Variants in PACRG observed in about 807,000 individuals in gnomAD.
PACRG encodes the protein parkin coregulated, also known as parkin coregulated gene protein.
A neutral mutation model predicts 29.7 loss-of-function variants in PACRG; 29 were observed. The ratio of observed to expected loss-of-function variants is 0.98; its 90% CI spans 0.73 to 1.33. PACRG has a LOEUF of 1.33. Ranked by LOEUF, PACRG falls within the 40% of genes most tolerant of loss-of-function variation. The probability of loss-of-function intolerance (pLI) is 0.00; values close to 1 mark genes in which losing one functional copy is unlikely to be tolerated. For missense variants in PACRG, 279 were observed against 316.2 expected, an observed-to-expected ratio of 0.88 and a Z score of 0.89; for synonymous variants, 116 against 118.7, an observed-to-expected ratio of 0.98 and a Z score of 0.15.
At chr6:163,263,563 G>A (rs1411342873) in intron 4 of PACRG, among the ~76,000 whole-genome samples, 1 of 152,126 alleles carries the variant, frequency 6.6e-6, no homozygotes, top group Non-Finnish European at 1.5e-5. Context: ...CTCCTCTGCA[G>A]GCAAAAACTG....
intron 4 of PACRG, among the ~76,000 whole-genome samples, chr6:163,196,011 C>G (rs1780437315): frequency 6.6e-6 from 1 of 152,292 alleles, no homozygotes; most frequent in Non-Finnish European, 1.5e-5. Flanking sequence ...AGACCCCCTA[C>G]GAGCTGGTTC....
At chr6:162,994,646 A>AT (rs956554522) in intron 2 of PACRG, among the ~76,000 whole-genome samples, 1 of 143,212 alleles carries the variant, frequency 7.0e-6, no homozygotes, top group Non-Finnish European at 1.5e-5. Context: ...ATTCTTCTAA[A>AT]TTTTTTTCAA....
chr6:163,126,908 G>T (rs1228022103), intron 4 of PACRG, among the ~76,000 whole-genome samples: 5 of 152,168 alleles, frequency 3.3e-5, no homozygotes, highest in African/African-American at 1.2e-4. Context: ...AGCACTGCTG[G>T]CCAGGTCAGA....
chr6:162,767,901 T>C (rs1218735193), intron 1 of PACRG, among the ~76,000 whole-genome samples: 1 of 152,000 alleles, frequency 6.6e-6, no homozygotes, highest in Non-Finnish European at 1.5e-5. Context: ...TTTCAAACAG[T>C]GTAGGAAATG....
intron 3 of PACRG, among the ~76,000 whole-genome samples, chr6:163,076,932 A>T (rs1812602875): frequency 6.6e-6 from 1 of 152,184 alleles, no homozygotes; most frequent in Non-Finnish European, 1.5e-5. Flanking sequence ...AAAGTAATAC[A>T]TCCCCACAGC....
At chr6:163,285,666 G>A (rs930837892) in intron 4 of PACRG, among the ~76,000 whole-genome samples, 7 of 152,214 alleles carry the variant, frequency 4.6e-5, no homozygotes, top group African/African-American at 9.7e-5. Flanking sequence ...AGAATGCACC[G>A]TCCGTGATGG....
intron 2 of PACRG, among the ~76,000 whole-genome samples, chr6:162,917,682 G>T (rs923346631): frequency 4.6e-5 from 7 of 151,986 alleles, no homozygotes; most frequent in Non-Finnish European, 8.8e-5. Context: ...TAAAATCCAG[G>T]TTGACATCTG....
intron 2 of PACRG, among the ~76,000 whole-genome samples, chr6:162,908,307 T>C (rs540694478): frequency 6.6e-6 from 1 of 152,254 alleles, no homozygotes; most frequent in Admixed American, 6.5e-5. Context: ...TTCAAAAGCA[T>C]GCATTTCTGC....
intron 3 of PACRG, among the ~76,000 whole-genome samples, chr6:163,077,528 A>G (rs370004673): frequency 1.1e-4 from 16 of 152,362 alleles, no homozygotes; most frequent in East Asian, 3.9e-4. Context: ...ATGAGAATCC[A>G]TATCACAATA....
chr6:163,027,457 G>T (rs1807239880), intron 2 of PACRG, among the ~76,000 whole-genome samples: 1 of 152,172 alleles, frequency 6.6e-6, no homozygotes, highest in South Asian at 2.1e-4. Context: ...AATGTCAACT[G>T]AATTTCTAGA....
At chr6:162,752,164 A>G (rs1781559031) in intron 1 of PACRG, among the ~76,000 whole-genome samples, 1 of 152,214 alleles carries the variant, frequency 6.6e-6, no homozygotes, top group Non-Finnish European at 1.5e-5. Context: ...TGCTAAAGAC[A>G]GCCTCGAAGA....
chr6:162,807,475 T>C (rs1468537958), intron 1 of PACRG, among the ~76,000 whole-genome samples: 1 of 152,154 alleles, frequency 6.6e-6, no homozygotes, highest in East Asian at 1.9e-4. Flanking sequence ...GAGTTATTAA[T>C]TGGACTCATT....
chr6:163,224,372 A>C (rs1781705034), intron 4 of PACRG, among the ~76,000 whole-genome samples: 1 of 93,498 alleles, frequency 1.1e-5, no homozygotes, highest in Non-Finnish European at 2.0e-5. Flanking sequence ...CCATCTCAAA[A>C]AAAAAAAAAA....
chr6:163,038,447 C>T (rs1018132388), intron 2 of PACRG, among the ~76,000 whole-genome samples: 4 of 152,178 alleles, frequency 2.6e-5, no homozygotes, highest in Admixed American at 2.6e-4. Flanking sequence ...ACCCTGCACA[C>T]AGCCAGTGAA....
chr6:163,006,337 C>T (rs144743667), intron 2 of PACRG, among the ~76,000 whole-genome samples: 16 of 149,994 alleles, frequency 1.1e-4, no homozygotes, highest in Admixed American at 2.7e-4. Context: ...CTTATGAACA[C>T]GAATATGTTC....
At chr6:163,279,549 T>A (rs1296035616) in intron 4 of PACRG, among the ~76,000 whole-genome samples, 1 of 152,242 alleles carries the variant, frequency 6.6e-6, no homozygotes, top group Non-Finnish European at 1.5e-5. Flanking sequence ...TCCTGAGTGC[T>A]GTCAACTTGC....
At chr6:163,191,347 A>T (rs1780201478) in intron 4 of PACRG, among the ~76,000 whole-genome samples, 1 of 152,054 alleles carries the variant, frequency 6.6e-6, no homozygotes, top group African/African-American at 2.4e-5. Flanking sequence ...TCCTCAGCTC[A>T]GTGTCAAGTT....
intron 1 of PACRG, among the ~76,000 whole-genome samples, chr6:162,765,634 C>T (rs1782726215): frequency 6.6e-6 from 1 of 152,156 alleles, no homozygotes; most frequent in South Asian, 2.1e-4. Context: ...AGATTTTTCT[C>T]TTCTAGAAGA....
intron 1 of PACRG, among the ~76,000 whole-genome samples, chr6:162,809,450 G>A (rs1431425413): frequency 6.6e-6 from 1 of 152,316 alleles, no homozygotes; most frequent in African/African-American, 2.4e-5. Flanking sequence ...TTCCATGGAA[G>A]TGCAGGCATG....
Sources: allele counts gnomAD v4.1 joint callset (sites outside exome capture counted in the v4.1 genomes callset), GRCh38; gene constraint gnomAD v4.1.1; transcripts MANE v1.5; gene names NCBI Gene and HGNC (gene_info 2026-07-23, HGNC 2026-07-21).